CACNA1H: variants seen among roughly 807,000 people sequenced by gnomAD.
The protein encoded by CACNA1H is voltage-dependent T-type calcium channel subunit alpha-1H.
In CACNA1H, 149 loss-of-function variants were observed where a neutral mutation model predicts 192.5. The observed-to-expected ratio is 0.77, with a 90% confidence interval of 0.68 to 0.89. The LOEUF (loss-of-function observed/expected upper bound fraction) is 0.89, where lower values mean the gene tolerates loss of function less well. CACNA1H is among the 40% of genes least tolerant of loss of function. The pLI is 0.00. For missense variants in CACNA1H, 4,257 were observed against 3,423.5 expected (o/e 1.24, Z -6.08); for synonymous variants, 2,202 against 1,475.2 (o/e 1.49, Z -11.29).
intron 21 of CACNA1H, 71 bp downstream of exon 21, chr16:1,211,042 C>A: frequency 6.4e-7 from 1 of 1,556,338 alleles, no homozygotes; most frequent in Non-Finnish European, 8.7e-7. Flanking sequence ...CCCATTACTC[C>A]TCCCGCAGTC....
chr16:1,214,702 C>T lies in CACNA1H; in HGVS notation c.4930-270C>T, dbSNP rs72775449. ...GAAATGGGCTGGGGGCTCAGGGTGG[C>T]TTCCTGGAGACAGTGGCATTCAGCT... On this transcript the variant is annotated intron_variant, in intron 27 of 34. Coordinates refer to ENST00000348261, the MANE Select transcript of CACNA1H (RefSeq NM_021098.3). Among the ~76,000 whole-genome samples, 7,146 of 152,216 alleles carry T rather than the reference C, an allele frequency of 0.047. 248 individuals carry two copies. Among genetic ancestry groups the T allele is most frequent in the South Asian group, 0.08 (385 of 4,820 alleles).
intron 12 of CACNA1H, chr16:1,206,548 AG>A (rs1968736488): frequency 3.8e-6 from 2 of 528,244 alleles, no homozygotes; most frequent in Non-Finnish European, 6.7e-6. Flanking sequence ...GATTTACTCA[AG>A]AGCAGAATAC....
In CACNA1H at chr16:1,200,263, A is replaced by C. The variant is rs755643040; in HGVS notation, c.811A>C (p.Asn271His). The C allele has an allele frequency of 1.1e-5, 18 of 1,599,090 alleles. No individual in the cohort carries two copies. Among genetic ancestry groups the C allele is most frequent in the East Asian group, 4.5e-5 (2 of 44,404 alleles). Residue 271 changes from asparagine (N) to histidine (H), a missense_variant, in exon 7 of 35, where the codon AAC becomes CAC. By Grantham distance (68) the Asn-to-His change is moderately conservative. Coordinates refer to ENST00000348261, the MANE Select transcript of CACNA1H (RefSeq NM_021098.3). Reference sequence around the variant, plus strand: ...GGCTGTGCCCATCCCCAGGAACAACAACCTGACCTTCCTGCGGCCGTACTA... The same window carrying C: ...GGCTGTGCCCATCCCCAGGAACAACCACCTGACCTTCCTGCGGCCGTACTA... Reference protein sequence around the residue: ...FLDSAFVRNNNLTFLRPYYQT... With the variant: ...FLDSAFVRNNHLTFLRPYYQT...
intron 2 of CACNA1H, among the ~76,000 whole-genome samples, chr16:1,190,075 A>G (rs1410880327): frequency 6.6e-6 from 1 of 152,186 alleles, no homozygotes; most frequent in African/African-American, 2.4e-5. Flanking sequence ...GTTGGGCCTC[A>G]GGGTCTGGTG....
At chr16:1,191,955 C>T (rs975519207) in intron 2 of CACNA1H, among the ~76,000 whole-genome samples, 10 of 152,278 alleles carry the variant, frequency 6.6e-5, no homozygotes, top group South Asian at 2.1e-4. Context: ...ACCGCAGGTC[C>T]GGGAGATTTG....
rs114909921 is a variant in CACNA1H, at chr16:1,213,236, G to A, written c.4778-544G>A. On this transcript the variant is annotated intron_variant, in intron 26 of 34. Coordinates refer to ENST00000348261, the MANE Select transcript of CACNA1H (RefSeq NM_021098.3). ...CCAGAGGAGGGCAGGTTACACTCTC[G>A]TCTCTGCTCCAGTGAGGCCTTGTGG... Among the ~76,000 whole-genome samples the A allele has an allele frequency of 5.8e-3, 885 of 152,326 alleles. 15 individuals are homozygous for A. The highest frequency in any genetic ancestry group is 0.021 in the African/African-American group (857 of 41,572).
Position 1,210,847 on chromosome 16 carries a change from C to A in CACNA1H, c.4099C>A (p.Leu1367Met), listed in dbSNP as rs1269723098. 6.2e-7 allele frequency: 1 copy of A among 1,605,060 alleles called. No homozygotes were observed. The highest frequency in any genetic ancestry group is 8.5e-7 in the Non-Finnish European group (1 of 1,179,734). Reference sequence around the variant, plus strand: ...CTACCTGCAGAGCAGCTGGAACCTGCTGGATGGGCTGCTGGTGCTGGTGTC... The same window carrying A: ...CTACCTGCAGAGCAGCTGGAACCTGATGGATGGGCTGCTGGTGCTGGTGTC... ...HAYLQSSWNL[L>M]DGLLVLVSLV... Residue 1367 changes from leucine (L) to methionine (M), a missense_variant, in exon 21 of 35, where the codon CTG becomes ATG. Leu to Met is a conservative substitution (Grantham distance 15, BLOSUM62 2). Transcript: ENST00000348261.
rs1970451957 is a variant in CACNA1H at position 1,221,107 on chromosome 16, A to G, written c.*113A>G. ...CTGACTTGGGTCCCGTCGTGAGCAG[A>G]AAGGCCCGGGGAGGATGACGGCCCA... On this transcript the variant is annotated 3_prime_UTR_variant, in exon 35 of 35. Coordinates refer to ENST00000348261, the MANE Select transcript of CACNA1H (RefSeq NM_021098.3). 1 of 815,372 alleles carries G rather than the reference A, an allele frequency of 1.2e-6. No individual in the cohort carries two copies. Among genetic ancestry groups the G allele is most frequent in the Non-Finnish European group, 1.9e-6 (1 of 533,206 alleles). 50.5% of individuals were successfully genotyped at this position (815,372 alleles called of 1,614,324 possible). A position where few individuals can be genotyped will look rare whatever the true frequency, so the allele number is the denominator to read the frequency against.
At chr16:1,161,044 C>T (rs111404405) in intron 2 of CACNA1H, among the ~76,000 whole-genome samples, 5 of 152,246 alleles carry the variant, frequency 3.3e-5, no homozygotes, top group African/African-American at 1.2e-4. Flanking sequence ...CTCCTCTGAC[C>T]CCCAAGGTGT....
rs370384766 is a variant in CACNA1H at position 1,218,232 on chromosome 16, G to A, written c.5468G>A (p.Arg1823His). 479 of 1,550,024 alleles carry A rather than the reference G, an allele frequency of 3.1e-4. 1 individual carries two copies. Among genetic ancestry groups the A allele is most frequent in the Non-Finnish European group, 4.0e-4 (455 of 1,146,972 alleles). The stretch of plus-strand genomic sequence containing the variant: ...CAGGACACGCTGCGCGAGTGCTCCC[G>A]TGAGGACAAGCACTGCCTGAGCTAC... ...IMKDTLRECS[R>H]EDKHCLSYLP... Residue 1823 changes from arginine to histidine, a missense_variant, in exon 33 of 35, where the codon CGT becomes CAT. Arg to His is a conservative substitution (Grantham distance 29, BLOSUM62 0). Transcript: ENST00000348261.
chr16:1,179,160 C>T (rs1965213402), intron 2 of CACNA1H, among the ~76,000 whole-genome samples: 1 of 152,236 alleles, frequency 6.6e-6, no homozygotes, highest in African/African-American at 2.4e-5. Flanking sequence ...CTGGCTGGGC[C>T]TGGCCGTCGT....
intron 2 of CACNA1H, among the ~76,000 whole-genome samples, chr16:1,174,820 G>A (rs1964704273): frequency 1.3e-5 from 2 of 152,248 alleles, no homozygotes; most frequent in African/African-American, 4.8e-5. Flanking sequence ...GGATGGCCGA[G>A]TTGGCGTGGC....
chr16:1,157,888 G>A (rs1962636799), intron 2 of CACNA1H: 1 of 152,248 alleles, frequency 6.6e-6, no homozygotes, highest in Non-Finnish European at 1.5e-5. Context: ...GTGTGAACTC[G>A]GCCGTTGCGC....
intron 2 of CACNA1H, among the ~76,000 whole-genome samples, chr16:1,159,225 C>T (rs1045795290): frequency 3.3e-5 from 5 of 152,126 alleles, no homozygotes; most frequent in Non-Finnish European, 7.4e-5. Context: ...CTGGCCTGAG[C>T]CCTGTGACCG....
chr16:1,196,264 CCA>C (rs1966957907), intron 5 of CACNA1H, among the ~76,000 whole-genome samples: 1 of 152,266 alleles, frequency 6.6e-6, no homozygotes, highest in Non-Finnish European at 1.5e-5. Context: ...TACCTGGCTC[CCA>C]CACAGCCGAG....
At chr16:1,156,356 C>T (rs996257970) in intron 2 of CACNA1H, among the ~76,000 whole-genome samples, 11 of 152,214 alleles carry the variant, frequency 7.2e-5, no homozygotes, top group Admixed American at 2.6e-4. Context: ...TGACCACCAG[C>T]AGATGCCTGG....
Position 1,180,197 on chromosome 16 carries a change from A to G in CACNA1H, c.300-14775A>G, listed in dbSNP as rs1965327638. On this transcript the variant is annotated intron_variant, in intron 2 of 34. Coordinates refer to ENST00000348261, the MANE Select transcript of CACNA1H (RefSeq NM_021098.3). This position sits in a 1 kb window ranked among gnomAD's most constrained non-coding sequence, Gnocchi z 4.4. ...ACCGGGTCAGCCGGCTCCTGGGTGC[A>G]CAGGCAGGTGGTGTGCGTCCGCATT... Among the ~76,000 whole-genome samples, 1 of 152,234 alleles carries G rather than the reference A, an allele frequency of 6.6e-6. No individual in the cohort carries two copies. The highest frequency in any genetic ancestry group is 2.4e-5 in the African/African-American group (1 of 41,462).
At chr16:1,156,458 G>T (rs1962405240) in intron 2 of CACNA1H, among the ~76,000 whole-genome samples, 1 of 152,128 alleles carries the variant, frequency 6.6e-6, no homozygotes, top group African/African-American at 2.4e-5. Context: ...AGCCGGGGAA[G>T]CCCATGTGGG....
chr16:1,188,955 G>A (rs532527702), intron 2 of CACNA1H, among the ~76,000 whole-genome samples: 2 of 151,956 alleles, frequency 1.3e-5, no homozygotes, highest in East Asian at 3.9e-4. Flanking sequence ...TGGCATCTGC[G>A]GTGCACTGGA....
Sources: gnomAD v4.1 joint callset for allele counts (sites outside exome capture counted in the v4.1 genomes callset) on GRCh38, gnomAD v4.1.1 for gene constraint, Gnocchi (gnomAD v3.1) non-coding constraint, MANE v1.5 for transcripts, NCBI Gene and HGNC (gene_info 2026-07-23, HGNC 2026-07-21) for gene names.